The following PDGFD variants were observed in gnomAD, a reference collection of about 807,000 sequenced individuals.
The protein encoded by PDGFD is platelet-derived growth factor D.
A neutral mutation model predicts 44.7 loss-of-function variants in PDGFD; 30 were observed. The ratio of observed to expected loss-of-function variants is 0.67; its 90% CI spans 0.50 to 0.91. PDGFD has a LOEUF of 0.91. PDGFD is among the 40% of genes least tolerant of loss of function. The pLI, the probability that PDGFD is intolerant of heterozygous loss-of-function variation, is 0.00. For synonymous variants in PDGFD, 173 were observed against 168.4 expected (o/e 1.03, Z -0.21); for missense variants, 445 against 457.8 (o/e 0.97, Z 0.25).
intron 6 of PDGFD, among the ~76,000 whole-genome samples, chr11:103,923,332 C>T (rs1262832472): frequency 6.6e-6 from 1 of 152,128 alleles, no homozygotes. Flanking sequence ...GTGAAAACCG[C>T]TCAAAACCCT....
At chr11:104,085,600 T>C (rs1029150330) in intron 1 of PDGFD, among the ~76,000 whole-genome samples, 4 of 152,122 alleles carry the variant, frequency 2.6e-5, no homozygotes, top group Non-Finnish European at 4.4e-5. Flanking sequence ...CACTTAGAAA[T>C]AGCAATAACA....
At chr11:104,011,866 AT>A (rs1341518132) in intron 1 of PDGFD, among the ~76,000 whole-genome samples, 2 of 152,142 alleles carry the variant, frequency 1.3e-5, no homozygotes, top group Admixed American at 6.6e-5. Flanking sequence ...GTAAAAAAAA[AT>A]ATTCAAGTGC....
intron 6 of PDGFD, among the ~76,000 whole-genome samples, chr11:103,925,503 T>C (rs12275884): frequency 0.14 from 21,126 of 151,678 alleles, 2,173 homozygotes; most frequent in African/African-American, 0.29. Context: ...GAAGGGGTTA[T>C]CTGATATATT....
chr11:104,145,819 AG>A (rs2119888817), intron 1 of PDGFD, among the ~76,000 whole-genome samples: 1 of 152,336 alleles, frequency 6.6e-6, no homozygotes, highest in Admixed American at 6.5e-5. Context: ...ATGAGATCAC[AG>A]GGATAGGGCT....
chr11:103,997,406 G>C (rs1383098984), intron 2 of PDGFD, among the ~76,000 whole-genome samples: 1 of 152,100 alleles, frequency 6.6e-6, no homozygotes, highest in South Asian at 2.1e-4. Flanking sequence ...ATTGGGCAAG[G>C]TAATGTAAAA....
At position 104,111,507 on chromosome 11, in the gene PDGFD, C is replaced by T. The variant is rs563649143; in HGVS notation, c.124+52297G>A. ...TCCTAGGCTCAAGCAATCCTTCTGC[C>T]TTGGCTTCCCAAAGTGCTGAGATTA... On this transcript the variant is annotated intron_variant, in intron 1 of 6. Transcript: ENST00000393158. 1.7e-3 allele frequency among the ~76,000 whole-genome samples: 257 copies of T among 152,188 alleles called. 2 individuals carry two copies. The highest frequency in any genetic ancestry group is 5.9e-3 in the African/African-American group (247 of 41,534).
intron 5 of PDGFD, among the ~76,000 whole-genome samples, chr11:103,930,447 C>T (rs1214041159): frequency 1.3e-5 from 2 of 151,702 alleles, no homozygotes; most frequent in Non-Finnish European, 2.9e-5. Flanking sequence ...CTACTAAGTG[C>T]TGTGTTCATC....
intron 3 of PDGFD, among the ~76,000 whole-genome samples, chr11:103,963,182 T>C (rs1442777062): frequency 6.6e-6 from 1 of 152,146 alleles, no homozygotes; most frequent in Non-Finnish European, 1.5e-5. Flanking sequence ...TCACATTTTT[T>C]CCTTGGAAAA....
chr11:104,029,603 A>G (rs1055684761), intron 1 of PDGFD, among the ~76,000 whole-genome samples: 1 of 152,216 alleles, frequency 6.6e-6, no homozygotes, highest in Admixed American at 6.5e-5. Flanking sequence ...GAATCTCTCA[A>G]TATACTCTGT....
intron 1 of PDGFD, among the ~76,000 whole-genome samples, chr11:104,109,166 G>A (rs996978548): frequency 4.6e-5 from 7 of 151,488 alleles, no homozygotes; most frequent in South Asian, 2.1e-4. Flanking sequence ...AAACCTGCAC[G>A]ATATGCACAT....
At position 103,996,259 on chromosome 11, in the gene PDGFD, G is replaced by T; in HGVS notation, c.330-14C>A. ...ACAAAATCATACCTAGAATCAATTG[G>T]ACATAATGAACAAGTTTTGATTAAA... On this transcript the variant is annotated splice_polypyrimidine_tract_variant and intron_variant, in intron 2 of 6. Transcript: ENST00000393158. The T allele has an allele frequency of 6.3e-7, 1 of 1,589,944 alleles. No individual in the cohort carries two copies. Among genetic ancestry groups the T allele is most frequent in the Non-Finnish European group, 8.6e-7 (1 of 1,167,474 alleles).
At chr11:104,138,919 G>A (rs12293817) in intron 1 of PDGFD, among the ~76,000 whole-genome samples, 4,400 of 152,068 alleles carry the variant, frequency 0.029, 127 homozygotes, top group African/African-American at 0.073. Flanking sequence ...AAGTCACCAC[G>A]TCCAGCTAAT....
chr11:103,977,202 G>C (rs1429715427), intron 3 of PDGFD, among the ~76,000 whole-genome samples: 1 of 151,934 alleles, frequency 6.6e-6, no homozygotes, highest in Non-Finnish European at 1.5e-5. Flanking sequence ...GTAATTAATA[G>C]CCTACCAACC....
chr11:104,136,960 C>A (rs1862014465), intron 1 of PDGFD, among the ~76,000 whole-genome samples: 1 of 152,138 alleles, frequency 6.6e-6, no homozygotes, highest in African/African-American at 2.4e-5. Context: ...TGTAACTAGT[C>A]CAATGTCCTC....
rs546059588 is a variant in PDGFD, at chr11:103,926,218, T to C, written c.987+694A>G. Among the ~76,000 whole-genome samples the C allele has an allele frequency of 2.6e-5, 4 of 152,348 alleles. No homozygotes were observed. The South Asian group carries it at 8.3e-4, about 32-fold the overall frequency. On this transcript the variant is annotated intron_variant, in intron 6 of 6. Transcript: ENST00000393158. ...AAAAGAATAAAAATAGTGACATTTT[T>C]ACAATATTGTTGATGGGGTGCTAAA...
intron 1 of PDGFD, among the ~76,000 whole-genome samples, chr11:104,028,893 T>A (rs1860085909): frequency 6.6e-6 from 1 of 152,116 alleles, no homozygotes; most frequent in Non-Finnish European, 1.5e-5. Flanking sequence ...AATGATACTA[T>A]CTTCTTTCTC....
At chr11:104,150,090 G>C (rs1435302981) in intron 1 of PDGFD, among the ~76,000 whole-genome samples, 1 of 152,002 alleles carries the variant, frequency 6.6e-6, no homozygotes, top group Non-Finnish European at 1.5e-5. Context: ...ACCTTGTATA[G>C]GAGCAGATAT....
chr11:103,939,971 G>C (rs1477281586), intron 5 of PDGFD, among the ~76,000 whole-genome samples: 1 of 152,050 alleles, frequency 6.6e-6, no homozygotes. Flanking sequence ...AGACAAGTTT[G>C]AGCTTATCTA....
chr11:104,144,538 A>AAAACC lies in PDGFD; in HGVS notation c.124+19265_124+19266insGGTTT, dbSNP rs1565347744. 7.6e-3 allele frequency among the ~76,000 whole-genome samples: 1,013 copies of AAAACC among 133,580 alleles called. 23 individuals carry two copies. Among genetic ancestry groups the AAAACC allele is most frequent in the African/African-American group, 9.3e-3 (300 of 32,140 alleles). 87.6% of individuals were successfully genotyped at this position (133,580 alleles called of 152,430 possible). ...AAAAAAAAAAAAAAAACCCAACAAA[A>AAAACC]CAAAACAAACAAACAAAAAGGCCAA... On this transcript the variant is annotated intron_variant, in intron 1 of 6. Coordinates refer to ENST00000393158, the MANE Select transcript of PDGFD (RefSeq NM_025208.5).
Sources: gnomAD v4.1 joint callset for allele counts (sites outside exome capture counted in the v4.1 genomes callset) on GRCh38, gnomAD v4.1.1 for gene constraint, MANE v1.5 for transcripts, NCBI Gene and HGNC (gene_info 2026-07-23, HGNC 2026-07-21) for gene names.